The following ARL15 variants were observed in gnomAD, a reference collection of about 807,000 sequenced individuals.
The protein encoded by ARL15 is ARF like GTPase 15, also known as ADP-ribosylation factor-like protein 15.
A neutral mutation model predicts 25.2 loss-of-function variants in ARL15; 19 were observed. The observed-to-expected ratio is 0.75, with a 90% CI of 0.53 to 1.10. ARL15 has a LOEUF of 1.10. Among genes scored for constraint, ARL15 ranks in the 50% least tolerant of loss-of-function variants. ARL15 has a pLI of 0.00. For missense variants in ARL15, 220 were observed against 246.0 expected (o/e 0.89, Z 0.71); for synonymous variants, 94 against 86.8 (o/e 1.08, Z -0.46).
Position 53,885,432 on chromosome 5 carries a change from G to A in ARL15, c.*1129C>T, listed in dbSNP as rs976623155. On this transcript the variant is annotated 3_prime_UTR_variant, in exon 5 of 5. Transcript: ENST00000504924. ...AACTAGTTCCAAAGACTGAATATGA[G>A]TCCCAATATTATTTATTTGCTGCAG... is the stretch of plus-strand genomic sequence containing the variant. 1 of 152,432 alleles carries A rather than the reference G, an allele frequency of 6.6e-6. No homozygotes were observed. The highest frequency in any genetic ancestry group is 1.5e-5 in the Non-Finnish European group (1 of 67,998). The allele number at this position is 152,432 out of a possible 1,614,324, so 9.4% of individuals were successfully genotyped here. A position where few individuals can be genotyped will look rare whatever the true frequency, so the allele number is the denominator to read the frequency against.
At chr5:54,010,281 CA>C (rs1447754354) in intron 4 of ARL15, among the ~76,000 whole-genome samples, 1 of 152,104 alleles carries the variant, frequency 6.6e-6, no homozygotes, top group Non-Finnish European at 1.5e-5. Flanking sequence ...AAAGCAATGA[CA>C]ATGAAGTAAA....
intron 4 of ARL15, among the ~76,000 whole-genome samples, chr5:54,011,474 A>C (rs1749242132): frequency 6.6e-6 from 1 of 152,166 alleles, no homozygotes; most frequent in Non-Finnish European, 1.5e-5. Context: ...TAACAGAAAA[A>C]GGTGTCAGTA....
At chr5:54,155,272 GTA>G (rs902862653) in intron 2 of ARL15, among the ~76,000 whole-genome samples, 1 of 152,106 alleles carries the variant, frequency 6.6e-6, no homozygotes, top group South Asian at 2.1e-4. Context: ...ACATTTGAAA[GTA>G]TAGAGAAATT....
At chr5:54,096,013 GA>G (rs1284039653) in intron 4 of ARL15, among the ~76,000 whole-genome samples, 1 of 152,200 alleles carries the variant, frequency 6.6e-6, no homozygotes, top group East Asian at 1.9e-4. Context: ...GTCAGTATTA[GA>G]AGTTGGATCT....
intron 4 of ARL15, among the ~76,000 whole-genome samples, chr5:53,918,523 T>C (rs1054950088): frequency 6.6e-6 from 1 of 152,108 alleles, no homozygotes; most frequent in Non-Finnish European, 1.5e-5. Context: ...TATCTGTCAA[T>C]TGCATAATAA....
intron 1 of ARL15, among the ~76,000 whole-genome samples, chr5:54,214,053 T>C (rs569104138): frequency 1.3e-4 from 19 of 151,386 alleles, no homozygotes; most frequent in African/African-American, 4.4e-4. Context: ...ATGATTACTG[T>C]ATGGCAAGAG....
intron 4 of ARL15, among the ~76,000 whole-genome samples, chr5:53,919,632 G>A (rs967676635): frequency 6.7e-6 from 1 of 148,856 alleles, no homozygotes; most frequent in Non-Finnish European, 1.5e-5. Flanking sequence ...GGATTAAGGT[G>A]AAAGACTTGC....
chr5:54,011,175 T>G lies in ARL15; in HGVS notation c.462+102027A>C, dbSNP rs116436006. On this transcript the variant is annotated intron_variant, in intron 4 of 4. Transcript: ENST00000504924. ...CTCTAGAGTGAAAATAAGTGTAGTTTCACAGAAGTTGGCATATAAGGAATT... is the reference window on the plus strand; with the variant it reads ...CTCTAGAGTGAAAATAAGTGTAGTTGCACAGAAGTTGGCATATAAGGAATT... Among the ~76,000 whole-genome samples, 821 of 152,178 alleles carry G rather than the reference T, an allele frequency of 5.4e-3. 4 individuals are homozygous for G. Among genetic ancestry groups the G allele is most frequent in the Admixed American group, 0.011 (168 of 15,280 alleles).
intron 1 of ARL15, among the ~76,000 whole-genome samples, chr5:54,179,898 G>T (rs1041823490): frequency 6.6e-6 from 1 of 151,514 alleles, no homozygotes; most frequent in Non-Finnish European, 1.5e-5. Flanking sequence ...TGTGCCCGTA[G>T]TCCCAGCTAC....
intron 1 of ARL15, among the ~76,000 whole-genome samples, chr5:54,225,085 G>A (rs1756482503): frequency 6.6e-6 from 1 of 152,140 alleles, no homozygotes; most frequent in Admixed American, 6.5e-5. Context: ...ACCTCATAGG[G>A]TTGCTGTAAA....
At chr5:54,093,529 C>G (rs1752193222) in intron 4 of ARL15, among the ~76,000 whole-genome samples, 1 of 152,120 alleles carries the variant, frequency 6.6e-6, no homozygotes, top group Non-Finnish European at 1.5e-5. Flanking sequence ...AGTGGATGTT[C>G]TGATTCTCAT....
intron 4 of ARL15, among the ~76,000 whole-genome samples, chr5:54,000,936 C>T (rs1748833098): frequency 6.6e-6 from 1 of 152,162 alleles, no homozygotes; most frequent in South Asian, 2.1e-4. Context: ...AAAAGGGGCC[C>T]AGGCTCAGAA....
chr5:53,991,140 A>C (rs1431660479), intron 4 of ARL15, among the ~76,000 whole-genome samples: 7 of 152,202 alleles, frequency 4.6e-5, no homozygotes. Flanking sequence ...AATTTTAGGA[A>C]CGCATCTGTT....
At chr5:54,122,859 G>A (rs1340923974) in intron 3 of ARL15, among the ~76,000 whole-genome samples, 1 of 152,020 alleles carries the variant, frequency 6.6e-6, no homozygotes, top group Non-Finnish European at 1.5e-5. Flanking sequence ...CTGGTTACCT[G>A]TCTCCATAGC....
At chr5:54,004,719 A>T (rs1263561543) in intron 4 of ARL15, among the ~76,000 whole-genome samples, 1 of 152,052 alleles carries the variant, frequency 6.6e-6, no homozygotes, top group Non-Finnish European at 1.5e-5. Context: ...TTAGATAAAT[A>T]CTGCTGGATG....
intron 3 of ARL15, among the ~76,000 whole-genome samples, chr5:54,118,634 T>C (rs1295337444): frequency 6.6e-6 from 1 of 152,206 alleles, no homozygotes; most frequent in Admixed American, 6.5e-5. Context: ...ACTATCTTTA[T>C]TCTAACCTTG....
chr5:54,099,688 CA>C (rs1297014221), intron 4 of ARL15, among the ~76,000 whole-genome samples: 1 of 152,052 alleles, frequency 6.6e-6, no homozygotes, highest in Non-Finnish European at 1.5e-5. Flanking sequence ...TTAACTCATT[CA>C]ACCCTCAAAA....
chr5:53,899,347 C>CAAAAAAAAAAAAAAAAAA (rs59145507), intron 4 of ARL15, among the ~76,000 whole-genome samples: 1 of 89,396 alleles, frequency 1.1e-5, no homozygotes, highest in African/African-American at 5.5e-5. Flanking sequence ...GACTCTATCC[C>CAAAAAAAAAAAAAAAAAA]AAAAAAAAAA....
intron 4 of ARL15, among the ~76,000 whole-genome samples, chr5:53,927,310 C>A (rs180938028): frequency 6.6e-6 from 1 of 152,234 alleles, no homozygotes; most frequent in Admixed American, 6.5e-5. Flanking sequence ...TCACTCCTGC[C>A]CAGCTCTGTG....
Sources: allele counts gnomAD v4.1 joint callset (sites outside exome capture counted in the v4.1 genomes callset), GRCh38; gene constraint gnomAD v4.1.1; transcripts MANE v1.5; gene names NCBI Gene and HGNC (gene_info 2026-07-23, HGNC 2026-07-21).